HS6ST2: variants seen among roughly 807,000 people sequenced by gnomAD.
HS6ST2 encodes the protein heparan sulfate 6-O-sulfotransferase 2.
HS6ST2 carries 17 observed loss-of-function variants against 33.0 expected under a neutral mutation model. That is an observed-to-expected ratio of 0.52 (90% confidence interval 0.35 to 0.77). The LOEUF is 0.77. Among genes scored for constraint, HS6ST2 ranks in the 30% least tolerant of loss-of-function variants. The probability of loss-of-function intolerance (pLI) is 0.01; values close to 1 mark genes in which losing one functional copy is unlikely to be tolerated. For synonymous variants in HS6ST2, 248 were observed against 237.1 expected (o/e 1.05, Z -0.42); for missense variants, 519 against 551.7 (o/e 0.94, Z 0.59).
intron 2 of HS6ST2, among the ~76,000 whole-genome samples, chrX:132,801,250 C>T (rs1025695923): frequency 4.6e-5 from 5 of 109,496 alleles, no homozygotes; most frequent in African/African-American, 1.7e-4. Flanking sequence ...GAGTCGAGAT[C>T]GCGTCACTGC....
chrX:132,878,076 C>A (rs961242790), intron 2 of HS6ST2, among the ~76,000 whole-genome samples: 2 of 112,164 alleles, frequency 1.8e-5, no homozygotes, highest in African/African-American at 3.2e-5. Context: ...GCTACTGATG[C>A]AGGAGTTTCT....
At chrX:132,921,863 C>T (rs7050404) in intron 2 of HS6ST2, among the ~76,000 whole-genome samples, 40,247 of 111,063 alleles carry the variant, frequency 0.36, 6,169 homozygotes, top group Middle Eastern at 0.51. Flanking sequence ...AAGCCCATAT[C>T]ATCCTTCAGC....
At chrX:132,910,873 G>A (rs1412588998) in intron 2 of HS6ST2, among the ~76,000 whole-genome samples, 2 of 111,809 alleles carry the variant, frequency 1.8e-5, no homozygotes, top group Admixed American at 9.5e-5. Context: ...GAAGGGGCTG[G>A]GTGTGGTAGC....
intron 2 of HS6ST2, among the ~76,000 whole-genome samples, chrX:132,903,922 A>G (rs1159049161): frequency 3.6e-5 from 4 of 112,228 alleles, no homozygotes; most frequent in Non-Finnish European, 5.6e-5. Flanking sequence ...CATAGCATAC[A>G]TACAATGTTC....
intron 3 of HS6ST2, among the ~76,000 whole-genome samples, chrX:132,670,483 T>C (rs1159191841): frequency 1.8e-5 from 2 of 110,922 alleles, no homozygotes; most frequent in African/African-American, 6.6e-5. Context: ...GTCAGAGAGA[T>C]AGCAACTGTC....
Position 132,678,018 on chromosome X carries a change from C to T in HS6ST2, c.981-8819G>A, listed in dbSNP as rs1378712103. 2.7e-5 allele frequency among the ~76,000 whole-genome samples: 3 copies of T among 111,587 alleles called. No homozygotes were observed. The East Asian group carries it at 8.5e-4, about 32-fold the overall frequency. On this transcript the variant is annotated intron_variant, in intron 3 of 4. Transcript: ENST00000370833. ...AATATTTCCTTGTTGCTGAACTTGG[C>T]ATCTTGAGTACTTTCTAGGGGGCCA...
At chrX:132,955,009 G>GC (rs759391054) in intron 2 of HS6ST2, among the ~76,000 whole-genome samples, 126 of 111,852 alleles carry the variant, frequency 1.1e-3, no homozygotes, top group African/African-American at 4.0e-3. Flanking sequence ...AGGCACATGT[G>GC]CCCCATGGAA....
At position 132,812,549 on chromosome X, in the gene HS6ST2, T is replaced by C. The variant is rs1429010249; in HGVS notation, c.948-104055A>G. Among the ~76,000 whole-genome samples, 4 of 104,703 alleles carry C rather than the reference T, an allele frequency of 3.8e-5. 1 individual carries two copies. Among genetic ancestry groups the C allele is most frequent in the Non-Finnish European group, 1.9e-5 (1 of 51,392 alleles). The allele number at this position is 104,703 out of a possible 115,157, so 90.9% of individuals were successfully genotyped here. A position where few individuals can be genotyped will look rare whatever the true frequency, so the allele number is the denominator to read the frequency against. The stretch of plus-strand genomic sequence containing the variant: ...TTAATGCTGTTGAGCATCTTTTCAT[T>C]TGCTTATTGGCCATTTGTATATCTT... On this transcript the variant is annotated intron_variant, in intron 2 of 4. Transcript: ENST00000370833.
chrX:132,652,490 C>T (rs957368597), intron 4 of HS6ST2, among the ~76,000 whole-genome samples: 2 of 111,608 alleles, frequency 1.8e-5, no homozygotes, highest in African/African-American at 6.5e-5. Flanking sequence ...AATTGGTATA[C>T]GGGGGAGAGA....
At chrX:132,794,943 G>A (rs950282931) in intron 2 of HS6ST2, among the ~76,000 whole-genome samples, 4 of 110,325 alleles carry the variant, frequency 3.6e-5, no homozygotes, top group African/African-American at 1.3e-4. Flanking sequence ...ACCTTGTCTC[G>A]TATGCATGGG....
At chrX:132,758,903 T>C (rs2064781206) in intron 2 of HS6ST2, among the ~76,000 whole-genome samples, 2 of 111,293 alleles carry the variant, frequency 1.8e-5, no homozygotes, top group African/African-American at 3.3e-5. Context: ...CAGCCTGATA[T>C]AGAAAGCCTA....
At position 132,877,375 on chromosome X, in the gene HS6ST2, C is replaced by G. The variant is rs139141931; in HGVS notation, c.947+79433G>C. The stretch of plus-strand genomic sequence containing the variant: ...ACTTATAATTTCTTAAAGGTTTGCA[C>G]GTATATTCGTTCTTCTAATCCTTAC... On this transcript the variant is annotated intron_variant, in intron 2 of 4. Coordinates refer to ENST00000370833, the MANE Select transcript of HS6ST2 (RefSeq NM_001394073.1). Among the ~76,000 whole-genome samples, 32 of 112,283 alleles carry G rather than the reference C, an allele frequency of 2.8e-4. No individual in the cohort carries two copies. The East Asian group carries it at 6.7e-3, about 24-fold the overall frequency.
At chrX:132,773,792 T>C (rs2064930107) in intron 2 of HS6ST2, among the ~76,000 whole-genome samples, 1 of 111,641 alleles carries the variant, frequency 9.0e-6, no homozygotes, top group South Asian at 3.8e-4. Context: ...ATAGAGATAG[T>C]AAGCAGATTT....
chrX:132,812,138 G>C (rs754924481), intron 2 of HS6ST2, among the ~76,000 whole-genome samples: 5 of 109,477 alleles, frequency 4.6e-5, no homozygotes, highest in Admixed American at 1.0e-4. Flanking sequence ...CGGGCGCGGT[G>C]GTTCACACCT....
At chrX:132,676,627 T>C (rs1478070511) in intron 3 of HS6ST2, among the ~76,000 whole-genome samples, 1 of 111,889 alleles carries the variant, frequency 8.9e-6, no homozygotes, top group African/African-American at 3.2e-5. Flanking sequence ...ATACATCAGA[T>C]AACCTAGAGT....
intron 4 of HS6ST2, among the ~76,000 whole-genome samples, chrX:132,646,315 G>A (rs2063641592): frequency 9.0e-6 from 1 of 110,517 alleles, no homozygotes; most frequent in South Asian, 3.9e-4. Context: ...AGGAGTACGG[G>A]GTCAAAAGCA....
intron 2 of HS6ST2, among the ~76,000 whole-genome samples, chrX:132,893,387 A>G (rs752628645): frequency 8.9e-6 from 1 of 112,256 alleles, no homozygotes; most frequent in African/African-American, 3.2e-5. Context: ...GGCTTAGTAA[A>G]CTAAAAATCT....
At chrX:132,632,640 C>T (rs1314153702) in intron 4 of HS6ST2, among the ~76,000 whole-genome samples, 1 of 109,868 alleles carries the variant, frequency 9.1e-6, no homozygotes, top group African/African-American at 3.3e-5. Flanking sequence ...ACATGGAAAC[C>T]CGGGGAAAGT....
intron 3 of HS6ST2, among the ~76,000 whole-genome samples, chrX:132,676,966 T>C (rs748610364): frequency 8.9e-6 from 1 of 112,520 alleles, no homozygotes; most frequent in South Asian, 3.7e-4. Context: ...CAAAAGCTCC[T>C]CTTTCCTGGG....
Sources: allele counts gnomAD v4.1 joint callset (sites outside exome capture counted in the v4.1 genomes callset), GRCh38; gene constraint gnomAD v4.1.1; transcripts MANE v1.5; gene names NCBI Gene and HGNC (gene_info 2026-07-23, HGNC 2026-07-21).